The following COL6A6 variants were observed in gnomAD, a reference collection of about 807,000 sequenced individuals.
COL6A6 encodes collagen alpha-6(VI) chain.
COL6A6 carries 183 observed loss-of-function variants against 208.6 expected under a neutral mutation model. The observed-to-expected ratio is 0.88, with a 90% CI of 0.78 to 0.99. The LOEUF (loss-of-function observed/expected upper bound fraction) is 0.99, where lower values mean the gene tolerates loss of function less well. Ranked by LOEUF, COL6A6 falls within the 50% of genes least tolerant of loss-of-function variation. COL6A6 has a pLI of 0.00. For synonymous variants in COL6A6, 973 were observed against 1,011.8 expected (o/e 0.96, Z 0.73); for missense variants, 2,816 against 2,815.2 (o/e 1.00, Z -0.01).
At chr3:130,673,420 C>T (rs564980005) in intron 36 of COL6A6, among the ~76,000 whole-genome samples, 5 of 148,470 alleles carry the variant, frequency 3.4e-5, no homozygotes, top group East Asian at 2.1e-4. Flanking sequence ...GTAACAGTAA[C>T]TAAACCTGCC....
chr3:130,603,895 G>T (rs967454104), intron 20 of COL6A6, among the ~76,000 whole-genome samples: 4 of 151,986 alleles, frequency 2.6e-5, no homozygotes, highest in African/African-American at 9.7e-5. Flanking sequence ...CCAGGCTTTG[G>T]GGGAATGAAG....
At chr3:130,533,799 G>A (rs1393030659) in intron 1 of COL6A6, among the ~76,000 whole-genome samples, 1 of 152,160 alleles carries the variant, frequency 6.6e-6, no homozygotes, top group Non-Finnish European at 1.5e-5. Flanking sequence ...CTCATCCAAG[G>A]ATAGGAGCCC....
intron 33 of COL6A6, among the ~76,000 whole-genome samples, chr3:130,652,312 G>A (rs931729718): frequency 6.6e-6 from 1 of 152,244 alleles, no homozygotes; most frequent in African/African-American, 2.4e-5. Flanking sequence ...CCCCAGTGAT[G>A]TGTTTCTCGT....
At chr3:130,647,702 A>T (rs913282115) in intron 32 of COL6A6, among the ~76,000 whole-genome samples, 1 of 152,240 alleles carries the variant, frequency 6.6e-6, no homozygotes. Flanking sequence ...TCTCCTTGCC[A>T]GCCTACGTGA....
intron 23 of COL6A6, among the ~76,000 whole-genome samples, chr3:130,612,845 A>G (rs1218724015): frequency 1.3e-5 from 2 of 152,150 alleles, no homozygotes; most frequent in Non-Finnish European, 2.9e-5. Flanking sequence ...AAAATTGTTC[A>G]TATCCTTTGC....
chr3:130,625,056 T>C (rs1178276599), intron 24 of COL6A6, among the ~76,000 whole-genome samples: 1 of 152,220 alleles, frequency 6.6e-6, no homozygotes, highest in African/African-American at 2.4e-5. Context: ...GAGAAGCTTA[T>C]GTAAAAGCAC....
chr3:130,675,129 T>A (rs7635293), intron 36 of COL6A6, 73 bp from the exon 37 acceptor site: 239,713 of 975,900 alleles, frequency 0.25, 37,465 homozygotes, highest in African/African-American at 0.66. Context: ...TAATTTACTA[T>A]GACAGATTAA....
chr3:130,641,014 C>T (rs1373093876), intron 28 of COL6A6, among the ~76,000 whole-genome samples: 2 of 152,168 alleles, frequency 1.3e-5, no homozygotes, highest in African/African-American at 2.4e-5. Context: ...ATAATAGCAT[C>T]ACCTAATAGT....
intron 1 of COL6A6, among the ~76,000 whole-genome samples, chr3:130,555,560 C>T (rs1389903661): frequency 1.3e-5 from 2 of 152,086 alleles, no homozygotes; most frequent in African/African-American, 2.4e-5. Context: ...TTCATTAGCA[C>T]CTAGGAATAA....
intron 35 of COL6A6, among the ~76,000 whole-genome samples, chr3:130,664,752 C>T (rs1219231435): frequency 3.3e-5 from 5 of 152,150 alleles, no homozygotes; most frequent in East Asian, 1.9e-4. Flanking sequence ...ATGGTTGACC[C>T]GCTTTAGCAG....
intron 5 of COL6A6, among the ~76,000 whole-genome samples, chr3:130,567,506 A>G (rs959922817): frequency 1.4e-4 from 21 of 152,184 alleles, no homozygotes; most frequent in Admixed American, 1.2e-3. Flanking sequence ...TCCTCTCACA[A>G]TTTCTTGCCA....
chr3:130,642,718 T>C, intron 29 of COL6A6, 114 bp from the exon 30 acceptor site: 1 of 875,332 alleles, frequency 1.1e-6, no homozygotes, highest in African/African-American at 1.7e-5. Flanking sequence ...TCTTACAATT[T>C]AATGAGAATA....
rs1011644639 is a variant in COL6A6 at position 130,590,983 on chromosome 3, G to C, written c.4219-58G>C. ...AAACTGTAAAACTGAATTTGGTTTGGTTACCTCTGATTTTTGGTCCATAGA... is the reference window on the plus strand; with the variant it reads ...AAACTGTAAAACTGAATTTGGTTTGCTTACCTCTGATTTTTGGTCCATAGA... On this transcript the variant is annotated intron_variant, in intron 12 of 36. Transcript: ENST00000358511. 6.8e-6 allele frequency: 9 copies of C among 1,328,180 alleles called. No individual in the cohort carries two copies. In the Admixed American group the frequency reaches 1.2e-4, roughly 18 times the overall value. 82.3% of individuals were successfully genotyped at this position (1,328,180 alleles called of 1,614,324 possible). A position where few individuals can be genotyped will look rare whatever the true frequency, so the allele number is the denominator to read the frequency against.
intron 34 of COL6A6, among the ~76,000 whole-genome samples, chr3:130,661,323 C>A (rs948320605): frequency 6.6e-6 from 1 of 152,118 alleles, no homozygotes; most frequent in Non-Finnish European, 1.5e-5. Flanking sequence ...CTTGCATGCA[C>A]GAGGCCAATC....
intron 10 of COL6A6, among the ~76,000 whole-genome samples, chr3:130,583,632 T>C (rs2063472151): frequency 6.6e-6 from 1 of 152,228 alleles, no homozygotes; most frequent in African/African-American, 2.4e-5. Context: ...ATGGCAATAA[T>C]GTTCTTTGAA....
intron 36 of COL6A6, among the ~76,000 whole-genome samples, chr3:130,668,981 G>T (rs561709662): frequency 6.6e-6 from 1 of 152,206 alleles, no homozygotes; most frequent in Non-Finnish European, 1.5e-5. Context: ...AATCAAGGTG[G>T]AGTGTTTATA....
chr3:130,607,482 A>T (rs763381620), intron 21 of COL6A6, among the ~76,000 whole-genome samples: 1 of 152,200 alleles, frequency 6.6e-6, no homozygotes, highest in Non-Finnish European at 1.5e-5. Flanking sequence ...GTTGTGACTT[A>T]TAATTTTATA....
intron 4 of COL6A6, 64 bp downstream of exon 4, chr3:130,565,678 G>T: frequency 6.7e-7 from 1 of 1,483,892 alleles, no homozygotes; most frequent in Non-Finnish European, 9.0e-7. Flanking sequence ...CAAATATTCT[G>T]TATACAAAGT....
intron 36 of COL6A6, among the ~76,000 whole-genome samples, chr3:130,671,053 A>T (rs2066201416): frequency 1.3e-5 from 2 of 152,150 alleles, no homozygotes; most frequent in South Asian, 4.1e-4. Context: ...TGGGAAAAGG[A>T]ACTCAACAGC....
Sources: gnomAD v4.1 joint callset for allele counts (sites outside exome capture counted in the v4.1 genomes callset) on GRCh38, gnomAD v4.1.1 for gene constraint, MANE v1.5 for transcripts, NCBI Gene and HGNC (gene_info 2026-07-23, HGNC 2026-07-21) for gene names.